Variants in GPM6B observed in about 807,000 individuals in gnomAD.
The protein encoded by GPM6B is glycoprotein M6B, also known as neuronal membrane glycoprotein M6-b.
A neutral mutation model predicts 27.2 loss-of-function variants in GPM6B; 4 were observed. The ratio of observed to expected loss-of-function variants is 0.15; its 90% CI spans 0.07 to 0.34. GPM6B has a LOEUF of 0.34. Ranked by LOEUF, GPM6B falls within the 10% of genes least tolerant of loss-of-function variation. GPM6B has a pLI of 1.00. For synonymous variants in GPM6B, 124 were observed against 103.1 expected (o/e 1.20, Z -1.23); for missense variants, 183 against 261.9 (o/e 0.70, Z 2.08).
At position 13,774,534 on chromosome X, in the gene GPM6B, C is replaced by G. The variant is rs765115975; in HGVS notation, c.838-1504G>C. On this transcript the variant is annotated intron_variant, in intron 7 of 7. Coordinates refer to ENST00000316715, the MANE Select transcript of GPM6B (RefSeq NM_001001995.3). ...TACAGAGCATAGCTCTCTAAAACTC[C>G]TTATGCAATTTAGAATTTAGTGCAG... is the stretch of plus-strand genomic sequence containing the variant. 3 of 1,206,253 alleles carry G rather than the reference C, an allele frequency of 2.5e-6. No individual in the cohort carries two copies. In the South Asian group the frequency reaches 5.3e-5, roughly 21 times the overall value.
intron 1 of GPM6B, among the ~76,000 whole-genome samples, chrX:13,828,162 T>C (rs1258598885): frequency 1.8e-5 from 2 of 112,099 alleles, no homozygotes; most frequent in African/African-American, 3.2e-5. Context: ...CCAACTGTTA[T>C]GGTTTGAACG....
chrX:13,917,607 A>G lies in GPM6B; in HGVS notation c.-198+20720T>C, dbSNP rs377510958. Reference sequence around the variant, plus strand: ...ATTTATAGACATAATTAAATGAAGCATCGTATCTGAGACTAAAATATGTGA... The same window carrying G: ...ATTTATAGACATAATTAAATGAAGCGTCGTATCTGAGACTAAAATATGTGA... On this transcript the variant is annotated intron_variant, in intron 1 of 6. Coordinates refer to the GPM6B transcript ENST00000398361. Among the ~76,000 whole-genome samples, 17 of 112,521 alleles carry G rather than the reference A, an allele frequency of 1.5e-4. No homozygotes were observed. In the East Asian group the frequency reaches 3.9e-3, roughly 26 times the overall value.
chrX:13,875,163 G>A (rs1021605370), intron 1 of GPM6B, among the ~76,000 whole-genome samples: 8 of 111,545 alleles, frequency 7.2e-5, no homozygotes, highest in South Asian at 7.7e-4. Context: ...CACAGAGAAC[G>A]AGTATCCATC....
chrX:13,778,161 G>A (rs928461736), intron 5 of GPM6B, among the ~76,000 whole-genome samples: 2 of 107,108 alleles, frequency 1.9e-5, no homozygotes, highest in African/African-American at 6.9e-5. Context: ...GCAGTTCTCT[G>A]CCTCAGCCTC....
intron 1 of GPM6B, among the ~76,000 whole-genome samples, chrX:13,936,857 T>C (rs1422058209): frequency 6.2e-5 from 7 of 112,511 alleles, no homozygotes. Flanking sequence ...TCCAAAGTAT[T>C]GTGAAAGCTG....
intron 1 of GPM6B, among the ~76,000 whole-genome samples, chrX:13,846,920 G>A (rs980843186): frequency 3.7e-5 from 4 of 107,309 alleles, no homozygotes; most frequent in Non-Finnish European, 5.7e-5. Flanking sequence ...TCTTGGCCTC[G>A]TCTCATGCAC....
At chrX:13,922,431 C>T (rs1920991597) in intron 1 of GPM6B, among the ~76,000 whole-genome samples, 1 of 112,058 alleles carries the variant, frequency 8.9e-6, no homozygotes, top group South Asian at 3.7e-4. Flanking sequence ...AGAACCTCGC[C>T]TTTGCTTCTT....
intron 1 of GPM6B, among the ~76,000 whole-genome samples, chrX:13,843,898 G>A (rs1480106930): frequency 9.0e-6 from 1 of 111,658 alleles, no homozygotes; most frequent in East Asian, 2.8e-4. Context: ...CAGCTCAATA[G>A]TTTTTAATTC....
At chrX:13,847,645 C>T (rs1173821048) in intron 1 of GPM6B, among the ~76,000 whole-genome samples, 1 of 111,614 alleles carries the variant, frequency 9.0e-6, no homozygotes, top group African/African-American at 3.3e-5. Context: ...TGAGCAATTC[C>T]CAATATTGGA....
rs566837532 is a variant in GPM6B at position 13,771,000 on chromosome X, T to C, written c.*1881A>G. 2.7e-5 allele frequency: 3 copies of C among 112,646 alleles called. No homozygotes were observed. In the East Asian group the frequency reaches 8.3e-4, roughly 31 times the overall value. The allele number at this position is 112,646 out of a possible 1,213,427, so 9.3% of individuals were successfully genotyped here. A position where few individuals can be genotyped will look rare whatever the true frequency, so the allele number is the denominator to read the frequency against. On this transcript the variant is annotated 3_prime_UTR_variant, in exon 8 of 8. Coordinates refer to ENST00000316715, the MANE Select transcript of GPM6B (RefSeq NM_001001995.3). ...ACATCCACAACTATTTCCACCTAAATAGATCTTTAAAATAAGCATACACAA... is the reference window on the plus strand; with the variant it reads ...ACATCCACAACTATTTCCACCTAAACAGATCTTTAAAATAAGCATACACAA...
intron 1 of GPM6B, among the ~76,000 whole-genome samples, chrX:13,926,053 T>TA (rs199803372): frequency 0.029 from 2,670 of 93,115 alleles, 68 homozygotes; most frequent in East Asian, 0.19. Context: ...AGACTCCATC[T>TA]CAAAAAAAAA....
chrX:13,930,051 A>T (rs752355734), intron 1 of GPM6B, among the ~76,000 whole-genome samples: 6 of 112,284 alleles, frequency 5.3e-5, no homozygotes, highest in African/African-American at 1.9e-4. Flanking sequence ...ACTGAATTAT[A>T]TACAGCCATT....
chrX:13,919,627 C>A (rs899149579), intron 1 of GPM6B, among the ~76,000 whole-genome samples: 4 of 112,039 alleles, frequency 3.6e-5, no homozygotes, highest in Non-Finnish European at 7.5e-5. Context: ...AACTTTCCTG[C>A]AAATATCTAT....
chrX:13,908,441 T>C (rs2050348828), intron 1 of GPM6B, among the ~76,000 whole-genome samples: 1 of 112,087 alleles, frequency 8.9e-6, no homozygotes, highest in Non-Finnish European at 1.9e-5. Context: ...ACAAAATACC[T>C]GACTCGTACT....
chrX:13,834,676 G>A (rs1042810706), intron 1 of GPM6B, among the ~76,000 whole-genome samples: 2 of 111,595 alleles, frequency 1.8e-5, no homozygotes, highest in African/African-American at 6.5e-5. Context: ...TCAGAGTATA[G>A]TAGATGGATA....
At chrX:13,810,039 A>C (rs1252757836) in intron 1 of GPM6B, among the ~76,000 whole-genome samples, 2 of 110,208 alleles carry the variant, frequency 1.8e-5, no homozygotes, top group Admixed American at 1.9e-4. Context: ...AATCACTTTA[A>C]CCTGGGAGGT....
chrX:13,813,282 A>AC (rs2049172721), intron 1 of GPM6B, among the ~76,000 whole-genome samples: 1 of 111,718 alleles, frequency 9.0e-6, no homozygotes, highest in African/African-American at 3.2e-5. Flanking sequence ...TTAAAAAAAA[A>AC]AATAAGAAAT....
chrX:13,920,074 G>A (rs890389814), intron 1 of GPM6B, among the ~76,000 whole-genome samples: 1 of 109,334 alleles, frequency 9.1e-6, no homozygotes, highest in Admixed American at 9.8e-5. Context: ...GACCAGCCCG[G>A]CCAACATGGT....
chrX:13,896,389 C>G (rs1364108261), intron 1 of GPM6B, among the ~76,000 whole-genome samples: 1 of 108,427 alleles, frequency 9.2e-6, no homozygotes, highest in Non-Finnish European at 1.9e-5. Context: ...ATATCCTGCA[C>G]AGAGACGAAA....
Sources: gnomAD v4.1 joint callset for allele counts (sites outside exome capture counted in the v4.1 genomes callset) on GRCh38, gnomAD v4.1.1 for gene constraint, MANE v1.5 for transcripts, NCBI Gene and HGNC (gene_info 2026-07-23, HGNC 2026-07-21) for gene names.